The following FAM228B variants were observed in gnomAD, a reference collection of about 807,000 sequenced individuals.
FAM228B encodes family with sequence similarity 228 member B, also known as protein FAM228B.
In FAM228B, 38 loss-of-function variants were observed where a neutral mutation model predicts 42.6. The ratio of observed to expected loss-of-function variants is 0.89; its 90% CI spans 0.69 to 1.17. The LOEUF (loss-of-function observed/expected upper bound fraction) is 1.17, where lower values mean the gene tolerates loss of function less well. Among genes scored for constraint, FAM228B ranks in the 50% most tolerant of loss-of-function variants. The pLI is 0.00. For synonymous variants in FAM228B, 109 were observed against 122.3 expected (o/e 0.89, Z 0.72); for missense variants, 344 against 367.3 (o/e 0.94, Z 0.52).
intron 5 of FAM228B, among the ~76,000 whole-genome samples, chr2:24,140,338 G>A (rs1047655783): frequency 6.6e-6 from 1 of 151,986 alleles, no homozygotes; most frequent in Non-Finnish European, 1.5e-5. Context: ...CATCATGCTC[G>A]GCTAATTTTT....
At chr2:24,121,384 G>A, upstream of FAM228B, 1 of 1,329,156 alleles carries the variant, frequency 7.5e-7, no homozygotes, top group Non-Finnish European at 1.0e-6. Flanking sequence ...TGTTTTTTAT[G>A]GCCTGCAAGC....
intron 2 of FAM228B, among the ~76,000 whole-genome samples, chr2:24,134,659 G>A (rs1301056837): frequency 1.3e-5 from 2 of 152,178 alleles, no homozygotes; most frequent in African/African-American, 4.8e-5. Flanking sequence ...TGTTTAAAAA[G>A]CACTTGATGG....
At chr2:24,116,956 A>G (rs1427081193) in intron 3 of FAM228B, among the ~76,000 whole-genome samples, 2 of 151,686 alleles carry the variant, frequency 1.3e-5, no homozygotes, top group Admixed American at 6.6e-5. Context: ...AGATGCTAAC[A>G]TTTTACCAAT....
intron 3 of FAM228B, among the ~76,000 whole-genome samples, chr2:24,136,400 T>C (rs1381740088): frequency 6.6e-6 from 1 of 152,150 alleles, no homozygotes; most frequent in East Asian, 1.9e-4. Context: ...ACTTTTGTAT[T>C]TTTAGTAGAG....
At chr2:24,147,317 T>C (rs1220476816) in intron 7 of FAM228B, among the ~76,000 whole-genome samples, 1 of 152,114 alleles carries the variant, frequency 6.6e-6, no homozygotes, top group Non-Finnish European at 1.5e-5. Context: ...ATTTTCTGTT[T>C]CTCTTTGGTT....
intron 7 of FAM228B, among the ~76,000 whole-genome samples, chr2:24,160,025 G>A (rs902852489): frequency 2.5e-5 from 3 of 122,314 alleles, no homozygotes. Context: ...GTCTCATTTT[G>A]TCACCCAGAG....
chr2:24,148,436 C>G (rs889708332), intron 7 of FAM228B, among the ~76,000 whole-genome samples: 6 of 152,178 alleles, frequency 3.9e-5, no homozygotes, highest in Non-Finnish European at 7.3e-5. Context: ...CCTGAGGTTC[C>G]TTTTCCTTAT....
rs552163833 is a variant in FAM228B at position 24,113,176 on chromosome 2, G to A, written c.-121+17947G>A. 3.9e-5 allele frequency among the ~76,000 whole-genome samples: 6 copies of A among 152,130 alleles called. No homozygotes were observed. In the South Asian group the frequency reaches 1.0e-3, roughly 26 times the overall value. ...CAAAGCCGACTATGTGCTAGGTAGTGGTGATACAACAGTAAACAATACATC... is the reference window on the plus strand; with the variant it reads ...CAAAGCCGACTATGTGCTAGGTAGTAGTGATACAACAGTAAACAATACATC... On this transcript the variant is annotated intron_variant, in intron 3 of 10. Coordinates refer to the FAM228B transcript ENST00000613899.
At chr2:24,101,673 T>C (rs1267211477) in intron 3 of FAM228B, among the ~76,000 whole-genome samples, 1 of 152,016 alleles carries the variant, frequency 6.6e-6, no homozygotes, top group Non-Finnish European at 1.5e-5. Context: ...GTTTTTATTA[T>C]TTTATTTTAT....
intron 6 of FAM228B, 47 bp from the exon 7 acceptor site, chr2:24,146,883 G>A (rs1197644143): frequency 2.0e-6 from 3 of 1,538,020 alleles, no homozygotes; most frequent in Admixed American, 2.0e-5. Flanking sequence ...AAGAGCAATG[G>A]CAGATGCATT....
chr2:24,156,442 G>C (rs992971772), intron 7 of FAM228B, among the ~76,000 whole-genome samples: 51 of 152,130 alleles, frequency 3.4e-4, no homozygotes, highest in African/African-American at 1.2e-3. Flanking sequence ...AGACCAACCT[G>C]GCCAACATGG....
chr2:24,155,529 ATATTTTTTTTTTTTT>A (rs1667119819), intron 7 of FAM228B, among the ~76,000 whole-genome samples: 1 of 12,660 alleles, frequency 7.9e-5, no homozygotes, highest in East Asian at 3.0e-3. Context: ...ATATATATAT[ATATTTTTTTTTTTTT>A]TTTTTTTTTT....
intron 2 of FAM228B, among the ~76,000 whole-genome samples, chr2:24,133,364 A>G (rs981304529): frequency 6.6e-5 from 10 of 152,216 alleles, no homozygotes; most frequent in Admixed American, 2.6e-4. Context: ...AAAACAAACT[A>G]GAGTAGACTC....
At position 24,077,374 on chromosome 2, in the gene FAM228B, A is replaced by C; in HGVS notation, c.-290+405A>C. On this transcript the variant is annotated intron_variant, in intron 1 of 10. Transcript: ENST00000613899. The surrounding 1 kb of genome is among the most constrained non-coding windows in gnomAD (Gnocchi z 5.5). ...TCGGGCCTCAGTAATCCCCGCTGCG[A>C]CGCCCGTCCGGACTCCCACCTCAAC... is the stretch of plus-strand genomic sequence containing the variant. 2.0e-6 allele frequency: 1 copy of C among 503,406 alleles called. No homozygotes were observed. Among genetic ancestry groups the C allele is most frequent in the Non-Finnish European group, 3.5e-6 (1 of 289,162 alleles). 31.2% of individuals were successfully genotyped at this position (503,406 alleles called of 1,614,324 possible).
intron 3 of FAM228B, among the ~76,000 whole-genome samples, chr2:24,137,356 C>G (rs1666614573): frequency 6.6e-6 from 1 of 152,164 alleles, no homozygotes; most frequent in African/African-American, 2.4e-5. Flanking sequence ...GCCCACCAAA[C>G]TGGGAATCTT....
intron 5 of FAM228B, among the ~76,000 whole-genome samples, chr2:24,143,761 A>C (rs1247465821): frequency 1.3e-5 from 2 of 152,198 alleles, no homozygotes; most frequent in African/African-American, 4.8e-5. Flanking sequence ...AAGCAATTTA[A>C]AATTTTCTGT....
intron 2 of FAM228B, among the ~76,000 whole-genome samples, chr2:24,083,674 C>T (rs1400104486): frequency 6.6e-6 from 1 of 152,168 alleles, no homozygotes; most frequent in Non-Finnish European, 1.5e-5. Context: ...ATGCAGCTGG[C>T]CCAGGTCAGT....
At chr2:24,167,502 G>T in intron 9 of FAM228B, 125 bp from the exon 10 acceptor site, 1 of 1,295,708 alleles carries the variant, frequency 7.7e-7, no homozygotes. Flanking sequence ...GTTGGGGTTG[G>T]TTCTTCTCCT....
chr2:24,094,085 G>C (rs1665449774), intron 2 of FAM228B, among the ~76,000 whole-genome samples: 1 of 141,052 alleles, frequency 7.1e-6, no homozygotes, highest in Non-Finnish European at 1.5e-5. Context: ...TGTCACCCAG[G>C]CTGGAGTGCA....
Sources: gnomAD v4.1 joint callset for allele counts (sites outside exome capture counted in the v4.1 genomes callset) on GRCh38, gnomAD v4.1.1 for gene constraint, Gnocchi (gnomAD v3.1) non-coding constraint, MANE v1.5 for transcripts, NCBI Gene and HGNC (gene_info 2026-07-23, HGNC 2026-07-21) for gene names.